Variants in NLGN1 observed in about 807,000 individuals in gnomAD.
NLGN1 encodes the protein neuroligin-1.
NLGN1 carries 12 observed loss-of-function variants against 65.5 expected under a neutral mutation model. The ratio of observed to expected loss-of-function variants is 0.18; its 90% confidence interval spans 0.12 to 0.30. The LOEUF is 0.30. Ranked by LOEUF, NLGN1 falls within the 10% of genes least tolerant of loss-of-function variation. NLGN1 has a pLI of 1.00. For synonymous variants in NLGN1, 350 were observed against 359.5 expected, an observed-to-expected ratio of 0.97 and a Z score of 0.30; for missense variants, 750 against 1,007.1, an observed-to-expected ratio of 0.74 and a Z score of 3.46.
chr3:173,686,179 G>A (rs1764654573), intron 3 of NLGN1, among the ~76,000 whole-genome samples: 1 of 151,918 alleles, frequency 6.6e-6, no homozygotes, highest in Non-Finnish European at 1.5e-5. Flanking sequence ...AACTGTGAAA[G>A]TGGAGACATT....
At chr3:173,611,220 G>C (rs1752235687) in intron 3 of NLGN1, among the ~76,000 whole-genome samples, 1 of 151,978 alleles carries the variant, frequency 6.6e-6, no homozygotes, top group Non-Finnish European at 1.5e-5. Context: ...CTATGGTCTA[G>C]ACATCATGGC....
intron 3 of NLGN1, among the ~76,000 whole-genome samples, chr3:173,620,188 C>T (rs1753760908): frequency 1.3e-5 from 2 of 152,086 alleles, no homozygotes; most frequent in Admixed American, 1.3e-4. Flanking sequence ...TAGGGAATAA[C>T]TAGAAGTTCA....
intron 4 of NLGN1, among the ~76,000 whole-genome samples, chr3:173,876,381 A>G (rs970380897): frequency 1.3e-5 from 2 of 152,172 alleles, no homozygotes; most frequent in Admixed American, 6.6e-5. Context: ...AATTAATTCT[A>G]ATTAATTAAA....
intron 4 of NLGN1, among the ~76,000 whole-genome samples, chr3:173,959,210 G>C (rs1402652420): frequency 6.6e-6 from 1 of 152,236 alleles, no homozygotes; most frequent in Non-Finnish European, 1.5e-5. Flanking sequence ...AGTGGTTGCA[G>C]CTGCACTTGG....
At chr3:174,140,226 T>G (rs1722033022) in intron 4 of NLGN1, among the ~76,000 whole-genome samples, 1 of 152,188 alleles carries the variant, frequency 6.6e-6, no homozygotes, top group Admixed American at 6.5e-5. Flanking sequence ...CCAGATAAAT[T>G]TATATACTAG....
chr3:174,284,670 A>C (rs1411577002), exon 7 of NLGN1: 1 of 151,402 alleles, frequency 6.6e-6, no homozygotes, highest in Non-Finnish European at 1.5e-5. Flanking sequence ...TTAAATCTCT[A>C]CTGAACATGT....
At chr3:173,900,504 C>CT (rs1183399901) in intron 4 of NLGN1, among the ~76,000 whole-genome samples, 3 of 152,010 alleles carry the variant, frequency 2.0e-5, no homozygotes, top group Non-Finnish European at 4.4e-5. Context: ...CCATGAATCC[C>CT]TTTAATTACT....
At chr3:173,605,163 A>C in intron 3 of NLGN1, 72 bp downstream of exon 2, 1 of 1,262,150 alleles carries the variant, frequency 7.9e-7, no homozygotes, top group South Asian at 1.5e-5. Context: ...AACAATATTA[A>C]TTCATGTGTA....
chr3:173,935,690 A>G (rs910648227), intron 4 of NLGN1, among the ~76,000 whole-genome samples: 42 of 151,628 alleles, frequency 2.8e-4, no homozygotes, highest in African/African-American at 8.9e-4. Flanking sequence ...ATTCAGACCA[A>G]TAAAAATCCA....
chr3:174,031,685 A>C (rs1206173683), intron 4 of NLGN1, among the ~76,000 whole-genome samples: 1 of 152,170 alleles, frequency 6.6e-6, no homozygotes, highest in Non-Finnish European at 1.5e-5. Flanking sequence ...TATAGAGTTC[A>C]AGAAATATCT....
intron 4 of NLGN1, among the ~76,000 whole-genome samples, chr3:174,147,552 G>C (rs1408127088): frequency 6.8e-6 from 1 of 146,970 alleles, no homozygotes; most frequent in East Asian, 2.1e-4. Context: ...TCCTGGCTCA[G>C]CCTCCCAAGT....
At position 174,008,123 on chromosome 3, in the gene NLGN1, T is replaced by A. The variant is rs576122633; in HGVS notation, c.646+200291T>A. Among the ~76,000 whole-genome samples, 4 of 152,290 alleles carry A rather than the reference T, an allele frequency of 2.6e-5. No homozygotes were observed. The East Asian group carries it at 5.8e-4, about 22-fold the overall frequency. On this transcript the variant is annotated intron_variant, in intron 4 of 6. Transcript: ENST00000457714. ...GGTAATAACCTCCAAATCTATATTC[T>A]TGCAACAGCAAAGTTTGTGGTTTAG... is the stretch of plus-strand genomic sequence containing the variant.
chr3:174,025,296 T>G (rs1371075166), intron 4 of NLGN1, among the ~76,000 whole-genome samples: 1 of 152,190 alleles, frequency 6.6e-6, no homozygotes, highest in Non-Finnish European at 1.5e-5. Context: ...TTTAAAAGTA[T>G]GACTTAAACA....
At chr3:173,444,819 A>G (rs1038316516) in intron 2 of NLGN1, among the ~76,000 whole-genome samples, 15 of 152,090 alleles carry the variant, frequency 9.9e-5, no homozygotes, top group African/African-American at 3.6e-4. Flanking sequence ...TAGATACTGC[A>G]GTATATAGTT....
chr3:173,828,341 G>A (rs1021873192), intron 4 of NLGN1, among the ~76,000 whole-genome samples: 4 of 151,946 alleles, frequency 2.6e-5, no homozygotes, highest in Admixed American at 1.3e-4. Context: ...CAAACTAGGA[G>A]GTCTAAAACA....
At chr3:174,101,697 C>T (rs931340979) in intron 4 of NLGN1, among the ~76,000 whole-genome samples, 1 of 152,024 alleles carries the variant, frequency 6.6e-6, no homozygotes, top group Non-Finnish European at 1.5e-5. Context: ...TTCCGCAGGC[C>T]CTCGCACAAT....
chr3:173,944,126 T>G (rs142048827), intron 4 of NLGN1, among the ~76,000 whole-genome samples: 3,083 of 124,498 alleles, frequency 0.025, 46 homozygotes, highest in Middle Eastern at 0.045. Flanking sequence ...ATATTATGGG[T>G]GTGTGTGTGT....
intron 4 of NLGN1, among the ~76,000 whole-genome samples, chr3:174,059,266 T>C (rs1326633584): frequency 2.0e-5 from 3 of 152,130 alleles, no homozygotes; most frequent in Admixed American, 6.6e-5. Flanking sequence ...CAGATTACTT[T>C]GTCTTCAGCA....
chr3:173,603,093 A>G (rs919362153), intron 2 of NLGN1, among the ~76,000 whole-genome samples: 7 of 152,156 alleles, frequency 4.6e-5, no homozygotes, highest in Non-Finnish European at 7.4e-5. Context: ...CTTTTAAGTA[A>G]CACAAAGTCA....
Sources: gnomAD v4.1 joint callset for allele counts (sites outside exome capture counted in the v4.1 genomes callset) on GRCh38, gnomAD v4.1.1 for gene constraint, MANE v1.5 for transcripts, NCBI Gene and HGNC (gene_info 2026-07-23, HGNC 2026-07-21) for gene names.